Variants in CSMD1 observed in about 807,000 individuals in gnomAD.
CSMD1 encodes the protein CUB and Sushi multiple domains 1, also known as CUB and sushi domain-containing protein 1.
Under a neutral mutation model 417.5 loss-of-function variants are expected in CSMD1, and 213 were observed. The ratio of observed to expected loss-of-function variants is 0.51; its 90% CI spans 0.46 to 0.57. The LOEUF (loss-of-function observed/expected upper bound fraction) is 0.57, where lower values mean the gene tolerates loss of function less well. CSMD1 is among the 20% of genes least tolerant of loss of function. The pLI, the probability that CSMD1 is intolerant of heterozygous loss-of-function variation, is 0.00. For missense variants in CSMD1, 6,923 were observed against 4,529.7 expected, an observed-to-expected ratio of 1.53 and a Z score of -15.17; for synonymous variants, 2,862 against 1,736.8, an observed-to-expected ratio of 1.65 and a Z score of -16.11.
intron 1 of CSMD1, among the ~76,000 whole-genome samples, chr8:4,980,926 A>G (rs1226850813): frequency 1.3e-5 from 2 of 152,048 alleles, no homozygotes. Flanking sequence ...CTTATTATCT[A>G]TCTGTACTTT....
intron 18 of CSMD1, among the ~76,000 whole-genome samples, chr8:3,387,071 C>G (rs535620928): frequency 1.3e-5 from 2 of 152,308 alleles, no homozygotes; most frequent in African/African-American, 4.8e-5. Context: ...GGAGAAGGCT[C>G]TGCTAGACAT....
chr8:2,963,844 C>T (rs1251007614), intron 59 of CSMD1, among the ~76,000 whole-genome samples: 6 of 152,110 alleles, frequency 3.9e-5, no homozygotes, highest in Admixed American at 3.3e-4. Flanking sequence ...AAGACACAGT[C>T]GGTCCATCTA....
chr8:3,543,127 T>G (rs1402818670), intron 10 of CSMD1, among the ~76,000 whole-genome samples: 1 of 152,154 alleles, frequency 6.6e-6, no homozygotes, highest in Non-Finnish European at 1.5e-5. Context: ...TCCTGAAGGA[T>G]GATCCCAGAC....
chr8:3,838,964 ATAT>A lies in CSMD1; in HGVS notation c.819-84925_819-84923del, dbSNP rs904807127. ...ATAAAAAATTAATATCTATAAATTA[ATAT>A]TATATATAATATATTATATATCATA... On this transcript the variant is annotated intron_variant, in intron 5 of 69. Transcript: ENST00000635120. 1.2e-3 allele frequency among the ~76,000 whole-genome samples: 119 copies of A among 99,750 alleles called. 3 individuals carry two copies. In the South Asian group the frequency reaches 0.031, roughly 26 times the overall value. The allele number at this position is 99,750 out of a possible 152,430, so 65.4% of individuals were successfully genotyped here. A position where few individuals can be genotyped will look rare whatever the true frequency, so the allele number is the denominator to read the frequency against.
At chr8:3,695,290 C>T (rs1563281567) in intron 7 of CSMD1, among the ~76,000 whole-genome samples, 3 of 152,156 alleles carry the variant, frequency 2.0e-5, no homozygotes, top group African/African-American at 4.8e-5. Flanking sequence ...TGCCGCGATG[C>T]AGAATTTGCA....
At chr8:3,801,961 G>C (rs1035111058) in intron 5 of CSMD1, among the ~76,000 whole-genome samples, 4 of 152,016 alleles carry the variant, frequency 2.6e-5, no homozygotes, top group African/African-American at 7.2e-5. Flanking sequence ...ACTGATAATA[G>C]GTACAGAACA....
At chr8:3,865,953 T>C (rs1057137641) in intron 5 of CSMD1, among the ~76,000 whole-genome samples, 5 of 152,178 alleles carry the variant, frequency 3.3e-5, no homozygotes, top group African/African-American at 1.2e-4. Flanking sequence ...TCTGGGAATG[T>C]AATTAAAATA....
intron 2 of CSMD1, among the ~76,000 whole-genome samples, chr8:4,492,260 T>C (rs752420846): frequency 1.4e-4 from 22 of 152,094 alleles, no homozygotes; most frequent in Non-Finnish European, 3.1e-4. Flanking sequence ...CAGCTAACGA[T>C]TTAATGTTTT....
chr8:3,741,982 T>TG (rs963295891), intron 6 of CSMD1, among the ~76,000 whole-genome samples: 4 of 151,140 alleles, frequency 2.6e-5, no homozygotes, highest in African/African-American at 7.3e-5. Context: ...AATCTTGGTT[T>TG]TTTTTTTTTT....
At position 4,635,920 on chromosome 8, in the gene CSMD1, A is replaced by C. The variant is rs547013288; in HGVS notation, c.302+1422T>G. On this transcript the variant is annotated intron_variant, in intron 2 of 69. Transcript: ENST00000635120. ...ATGAAAGGTAAACATGCTACTAAAA[A>C]CAGATAATAGATATTGTAGATGACT... is the stretch of plus-strand genomic sequence containing the variant. Among the ~76,000 whole-genome samples the C allele has an allele frequency of 2.0e-5, 3 of 152,182 alleles. No individual in the cohort carries two copies. In the East Asian group the frequency reaches 5.8e-4, roughly 29 times the overall value.
intron 1 of CSMD1, among the ~76,000 whole-genome samples, chr8:4,797,597 G>T (rs1342063003): frequency 6.6e-6 from 1 of 152,116 alleles, no homozygotes; most frequent in Non-Finnish European, 1.5e-5. Flanking sequence ...TCCAGGGTAT[G>T]GGGGGAGAGA....
intron 12 of CSMD1, among the ~76,000 whole-genome samples, chr8:3,425,823 C>G (rs940342208): frequency 6.6e-6 from 1 of 152,068 alleles, no homozygotes; most frequent in African/African-American, 2.4e-5. Context: ...CGTATATTGA[C>G]ATTGAGGTGA....
At chr8:2,981,141 T>C (rs984456932) in intron 54 of CSMD1, among the ~76,000 whole-genome samples, 14 of 152,224 alleles carry the variant, frequency 9.2e-5, no homozygotes, top group African/African-American at 3.4e-4. Flanking sequence ...ATTTGATTTA[T>C]TTGTCCATGA....
At chr8:4,957,504 T>C (rs1387598839) in intron 1 of CSMD1, among the ~76,000 whole-genome samples, 1 of 152,224 alleles carries the variant, frequency 6.6e-6, no homozygotes, top group East Asian at 1.9e-4. Context: ...TAGAAATAAC[T>C]ACTTCTTATC....
chr8:4,204,774 C>T (rs961458806), intron 3 of CSMD1, among the ~76,000 whole-genome samples: 1 of 152,144 alleles, frequency 6.6e-6, no homozygotes, highest in African/African-American at 2.4e-5. Context: ...CCTGCCTCAG[C>T]CTCCTGAGTA....
intron 17 of CSMD1, among the ~76,000 whole-genome samples, chr8:3,394,739 A>C (rs1400992061): frequency 6.6e-6 from 1 of 152,180 alleles, no homozygotes; most frequent in South Asian, 2.1e-4. Flanking sequence ...GAGAAGTGAC[A>C]ACTCGAATGG....
chr8:4,018,512 C>A (rs774121710), intron 4 of CSMD1, among the ~76,000 whole-genome samples: 1 of 152,092 alleles, frequency 6.6e-6, no homozygotes, highest in Non-Finnish European at 1.5e-5. Context: ...CAGCCAAAGC[C>A]CAGCAGCTTC....
intron 5 of CSMD1, among the ~76,000 whole-genome samples, chr8:3,849,474 T>C (rs1292807437): frequency 6.6e-6 from 1 of 152,178 alleles, no homozygotes; most frequent in African/African-American, 2.4e-5. Flanking sequence ...TTTAGTTACA[T>C]CTGAATTGGA....
intron 3 of CSMD1, among the ~76,000 whole-genome samples, chr8:4,380,484 C>G (rs1421918671): frequency 6.6e-6 from 1 of 152,152 alleles, no homozygotes; most frequent in Non-Finnish European, 1.5e-5. Flanking sequence ...TCATCAAAGA[C>G]AAGGAAAACC....
Sources: gnomAD v4.1 joint callset for allele counts (sites outside exome capture counted in the v4.1 genomes callset) on GRCh38, gnomAD v4.1.1 for gene constraint, MANE v1.5 for transcripts, NCBI Gene and HGNC (gene_info 2026-07-23, HGNC 2026-07-21) for gene names.